A1BG: variants seen among roughly 807,000 people sequenced by gnomAD.
The protein encoded by A1BG is alpha-1B-glycoprotein.
In A1BG, 44 loss-of-function variants were observed where a neutral mutation model predicts 46.0. The ratio of observed to expected loss-of-function variants is 0.96; its 90% CI spans 0.75 to 1.23. The LOEUF (loss-of-function observed/expected upper bound fraction) is 1.23, where lower values mean the gene tolerates loss of function less well. Among genes scored for constraint, A1BG ranks in the 50% most tolerant of loss-of-function variants. The pLI, the probability that A1BG is intolerant of heterozygous loss-of-function variation, is 0.00. For synonymous variants in A1BG, 316 were observed against 314.7 expected (o/e 1.00, Z -0.04); for missense variants, 707 against 688.8 (o/e 1.03, Z -0.30).
Position 58,350,621 on chromosome 19 carries a change from T to A in A1BG, c.941A>T (p.Glu314Val). ...CCGCAAGGCCCTGCCGGACTCCGGC[T>A]CCGGGGAGAACTCCGGCGCGGGCAG... ...ETLPAPEFSPEPESGRALRLR... is the reference protein window; with the variant it reads ...ETLPAPEFSPVPESGRALRLR... Residue 314 changes from glutamate to valine, a missense_variant, in exon 6 of 8, where the codon GAG (glutamate) becomes GTG (valine). Transcript: ENST00000263100. The A allele has an allele frequency of 7.0e-7, 1 of 1,437,384 alleles. No homozygotes were observed. Among genetic ancestry groups the A allele is most frequent in the South Asian group, 1.5e-5 (1 of 67,820 alleles). 89.0% of individuals were successfully genotyped at this position (1,437,384 alleles called of 1,614,324 possible). A position where few individuals can be genotyped will look rare whatever the true frequency, so the allele number is the denominator to read the frequency against.
intron 6 of A1BG, chr19:58,349,913 C>T (rs1396005586): frequency 6.4e-6 from 1 of 156,524 alleles, no homozygotes; most frequent in East Asian, 1.9e-4. Flanking sequence ...CCCTCACGCT[C>T]TGCTGGGCTC....
intron 4 of A1BG, 131 bp from the exon 5 acceptor site, chr19:58,351,818 C>T (rs1313926281): frequency 7.6e-5 from 61 of 802,644 alleles, no homozygotes; most frequent in Middle Eastern, 3.8e-4. Flanking sequence ...TTTTTTGAAA[C>T]GGAGTTTCGC....
chr19:58,348,097 A>G (rs2051929540), intron 6 of A1BG, among the ~76,000 whole-genome samples: 1 of 152,208 alleles, frequency 6.6e-6, no homozygotes. Flanking sequence ...CACACCTGTA[A>G]TCTCAGCACT....
At position 58,350,648 on chromosome 19, in the gene A1BG, G is replaced by T; in HGVS notation, c.914C>A (p.Thr305Lys). Residue 305 changes from threonine to lysine, a missense_variant, in exon 6 of 8, where the codon ACG becomes AAG. Coordinates refer to ENST00000263100, the MANE Select transcript of A1BG (RefSeq NM_130786.4). ...APVELILSDE[T>K]LPAPEFSPEP... is the part of the protein sequence containing the mutation. ...CGGGGAGAACTCCGGCGCGGGCAGC[G>T]TCTCTGCGGAGCAGCACACGGGCTG... 1.4e-6 allele frequency: 2 copies of T among 1,406,124 alleles called. No individual in the cohort carries two copies. The highest frequency in any genetic ancestry group is 1.8e-6 in the Non-Finnish European group (2 of 1,085,658). 87.1% of individuals were successfully genotyped at this position (1,406,124 alleles called of 1,614,324 possible). A position where few individuals can be genotyped will look rare whatever the true frequency, so the allele number is the denominator to read the frequency against.
At chr19:58,352,660 T>G in intron 3 of A1BG, 105 bp from the exon 4 acceptor site, 1 of 1,413,142 alleles carries the variant, frequency 7.1e-7, no homozygotes, top group East Asian at 2.3e-5. Flanking sequence ...GAGACAGGGA[T>G]GGAGGGCATT....
rs1168679091 is a variant in A1BG at position 58,351,827 on chromosome 19, G to A, written c.614-140C>T. ...TTTTTTTTTTTTGAAACGGAGTTTC[G>A]CTCTTGTTGCCCAGGCTGGAGTGCA... On this transcript the variant is annotated intron_variant, in intron 4 of 7. Transcript: ENST00000263100. 7 of 906,466 alleles carry A rather than the reference G, an allele frequency of 7.7e-6. No homozygotes were observed. In the East Asian group the frequency reaches 8.1e-5, roughly 11 times the overall value. 56.2% of individuals were successfully genotyped at this position (906,466 alleles called of 1,614,324 possible).
rs1219142450 is a variant in A1BG, at chr19:58,352,980, G to T, written c.288C>A (p.Gly96=). The change falls in exon 3 of 8, where the codon GGC becomes GGA. Residue 96 remains glycine (G), a synonymous_variant. Coordinates refer to ENST00000263100, the MANE Select transcript of A1BG (RefSeq NM_130786.4). ...DTQGRYRCRS[G]LSTGWTQLSK... The stretch of plus-strand genomic sequence containing the variant: ...TCAGCTGGGTCCATCCTGTGGACAA[G>T]CCCGAGCGGCAGCGGTAGCGGCCCT... 1 of 1,613,884 alleles carries T rather than the reference G, an allele frequency of 6.2e-7. No homozygotes were observed. Among genetic ancestry groups the T allele is most frequent in the Non-Finnish European group, 8.5e-7 (1 of 1,180,040 alleles).
At chr19:58,351,327 C>T in intron 5 of A1BG, 64 bp downstream of exon 5, 5 of 1,578,436 alleles carry the variant, frequency 3.2e-6, no homozygotes, top group Non-Finnish European at 4.3e-6. Flanking sequence ...AGACTCTACA[C>T]CTGGTACTGC....
chr19:58,352,841 A>G, intron 3 of A1BG, 87 bp downstream of exon 3: 1 of 1,509,146 alleles, frequency 6.6e-7, no homozygotes, highest in Non-Finnish European at 8.8e-7. Context: ...TGGGGCTCAG[A>G]GACATCGGGT....
At chr19:58,353,238 A>C in intron 2 of A1BG, 41 bp from the exon 3 acceptor site, 1 of 1,613,648 alleles carries the variant, frequency 6.2e-7, no homozygotes, top group African/African-American at 1.3e-5. Flanking sequence ...CCACAGAGAC[A>C]GGGCTCCCCC....
intron 4 of A1BG, chr19:58,352,011 G>T: frequency 8.7e-7 from 1 of 1,152,256 alleles, no homozygotes; most frequent in South Asian, 1.7e-5. Flanking sequence ...GGGTAGACTG[G>T]TCTCGATCTC....
intron 6 of A1BG, chr19:58,348,490 T>C (rs1432301546): frequency 2.6e-5 from 4 of 152,302 alleles, no homozygotes; most frequent in African/African-American, 9.6e-5. Context: ...TTTTATTCAA[T>C]AGTTTGAGTA....
chr19:58,347,116 GC>G (rs1009755792), intron 7 of A1BG, 87 bp from the exon 8 acceptor site: 262 of 1,528,172 alleles, frequency 1.7e-4, no homozygotes, highest in Non-Finnish European at 2.2e-4. Context: ...CCTCCCTGAC[GC>G]CCCCCCGGAA....
At position 58,346,580 on chromosome 19, in the gene A1BG, C is replaced by A. The variant is rs879109372; in HGVS notation, c.*442G>T. On this transcript the variant is annotated 3_prime_UTR_variant, in exon 8 of 8. Transcript: ENST00000263100. ...CTACAAAAAATAATAATTAGCCAGACGTGGCGATGCATGCCCAGGCTCCCA... is the reference window on the plus strand; with the variant it reads ...CTACAAAAAATAATAATTAGCCAGAAGTGGCGATGCATGCCCAGGCTCCCA... The A allele has an allele frequency of 3.9e-6, 1 of 256,288 alleles. No homozygotes were observed. The highest frequency in any genetic ancestry group is 7.7e-6 in the Non-Finnish European group (1 of 130,174). 15.9% of individuals were successfully genotyped at this position (256,288 alleles called of 1,614,324 possible). A position where few individuals can be genotyped will look rare whatever the true frequency, so the allele number is the denominator to read the frequency against.
rs1335629545 is a variant in A1BG, at chr19:58,351,688, C to T, written c.614-1G>A. 1 of 1,578,520 alleles carries T rather than the reference C, an allele frequency of 6.3e-7. No individual in the cohort carries two copies. The highest frequency in any genetic ancestry group is 2.4e-5 in the East Asian group (1 of 42,382). On this transcript the variant is annotated splice_acceptor_variant, in intron 4 of 7. Transcript: ENST00000263100. LOFTEE classifies it high-confidence loss of function. Reference sequence around the variant, plus strand: ...ATCAGCACAGGCGGTGGTGGTGCAGCTGCAATGCAGGCAGCATTACTAGGC... The same window carrying T: ...ATCAGCACAGGCGGTGGTGGTGCAGTTGCAATGCAGGCAGCATTACTAGGC...
intron 5 of A1BG, chr19:58,350,852 T>G: frequency 2.1e-6 from 1 of 486,102 alleles, no homozygotes; most frequent in Non-Finnish European, 3.4e-6. Flanking sequence ...CACTGTTTCT[T>G]AGTAATTTGT....
At position 58,347,580 on chromosome 19, in the gene A1BG, T is replaced by A; in HGVS notation, c.1253A>T (p.Asp418Val). 1 of 1,528,272 alleles carries A rather than the reference T, an allele frequency of 6.5e-7. No homozygotes were observed. Among genetic ancestry groups the A allele is most frequent in the Non-Finnish European group, 8.7e-7 (1 of 1,143,082 alleles). 94.7% of individuals were successfully genotyped at this position (1,528,272 alleles called of 1,614,324 possible). A position where few individuals can be genotyped will look rare whatever the true frequency, so the allele number is the denominator to read the frequency against. ...TWSGAVLAGR[D>V]AVLRCEGPIP... is the part of the protein sequence containing the mutation. ...GGGTCCCTCGCAGCGCAGGACGGCA[T>A]CTCGGCCCGCCAGGACCGCCCCACT... Residue 418 changes from aspartate (D) to valine (V), a missense_variant, in exon 7 of 8, where the codon GAT becomes GTT. By Grantham distance (152) the Asp-to-Val change is radical. Coordinates refer to ENST00000263100, the MANE Select transcript of A1BG (RefSeq NM_130786.4).
chr19:58,347,617 G>T lies in A1BG; in HGVS notation c.1216C>A (p.Arg406=). Residue 406 remains arginine, a synonymous_variant, in exon 7 of 8, where the codon CGG becomes AGG. Transcript: ENST00000263100. The part of the protein sequence containing the change: ...VDGPPPRPQL[R]ATWSGAVLAG... ...AGGACCGCCCCACTCCACGTCGCCC[G>T]GAGCTGAGGCCTGGGAGGGGGTCCT... The T allele has an allele frequency of 6.8e-7, 1 of 1,470,810 alleles. No individual in the cohort carries two copies. The highest frequency in any genetic ancestry group is 2.6e-5 in the East Asian group (1 of 37,752). The allele number at this position is 1,470,810 out of a possible 1,614,324, so 91.1% of individuals were successfully genotyped here.
chr19:58,351,795 C>CTT (rs11452992), intron 4 of A1BG, 108 bp from the exon 5 acceptor site: 38,386 of 754,958 alleles, frequency 0.051, 9 homozygotes, highest in Non-Finnish European at 0.059. Flanking sequence ...CCCTTCCATT[C>CTT]TTTTTTTTTT....
Sources: allele counts gnomAD v4.1 joint callset (sites outside exome capture counted in the v4.1 genomes callset), GRCh38; gene constraint gnomAD v4.1.1; transcripts MANE v1.5; gene names NCBI Gene and HGNC (gene_info 2026-07-23, HGNC 2026-07-21).